THRB: variants seen among roughly 807,000 people sequenced by gnomAD.
THRB encodes nuclear receptor subfamily 1 group A member 2.
Under a neutral mutation model 47.8 loss-of-function variants are expected in THRB, and 12 were observed. That is an observed-to-expected ratio of 0.25 (90% CI 0.16 to 0.41). The LOEUF (loss-of-function observed/expected upper bound fraction) is 0.41, where lower values mean the gene tolerates loss of function less well. Ranked by LOEUF, THRB falls within the 10% of genes least tolerant of loss-of-function variation. The pLI, the probability that THRB is intolerant of heterozygous loss-of-function variation, is 1.00. For missense variants in THRB, 348 were observed against 589.2 expected (o/e 0.59, Z 4.24); for synonymous variants, 218 against 212.2 (o/e 1.03, Z -0.24).
At chr3:24,265,307 T>TC (rs397944871) in intron 3 of THRB, among the ~76,000 whole-genome samples, 2 of 87,300 alleles carry the variant, frequency 2.3e-5, no homozygotes, top group Non-Finnish European at 5.2e-5. Context: ...CTTTGAACTC[T>TC]GAAGAAAAAG....
At chr3:24,237,608 A>AT (rs2049005102) in intron 3 of THRB, among the ~76,000 whole-genome samples, 1 of 152,156 alleles carries the variant, frequency 6.6e-6, no homozygotes, top group East Asian at 1.9e-4. Flanking sequence ...TACAAAGAGC[A>AT]TTGGCCTTGC....
At chr3:24,138,631 T>C (rs1335580696) in intron 8 of THRB, among the ~76,000 whole-genome samples, 1 of 152,202 alleles carries the variant, frequency 6.6e-6, no homozygotes, top group Admixed American at 6.5e-5. Flanking sequence ...ACTACTAGAT[T>C]ATCCTGCCTT....
At chr3:24,333,001 C>A (rs922381149) in intron 2 of THRB, among the ~76,000 whole-genome samples, 2 of 152,084 alleles carry the variant, frequency 1.3e-5, no homozygotes, top group African/African-American at 2.4e-5. Context: ...AGGAGAATGG[C>A]GTGAACCGGG....
intron 1 of THRB, among the ~76,000 whole-genome samples, chr3:24,395,037 C>T (rs1355810459): frequency 2.6e-5 from 4 of 152,142 alleles, no homozygotes; most frequent in Admixed American, 2.0e-4. Flanking sequence ...GATGAGGAGG[C>T]TATTTTAAAA....
intron 8 of THRB, among the ~76,000 whole-genome samples, chr3:24,136,516 TTTGG>T (rs2034698582): frequency 6.6e-6 from 1 of 152,232 alleles, no homozygotes; most frequent in Non-Finnish European, 1.5e-5. Context: ...TTCTAAAATA[TTTGG>T]AAGATGTTAA....
At chr3:24,171,809 T>G (rs560618832) in intron 5 of THRB, among the ~76,000 whole-genome samples, 1 of 152,264 alleles carries the variant, frequency 6.6e-6, no homozygotes, top group African/African-American at 2.4e-5. Context: ...TAGAAACTTT[T>G]ACTTCCTCAG....
At chr3:24,412,399 C>T (rs2150189167) in intron 1 of THRB, among the ~76,000 whole-genome samples, 1 of 151,752 alleles carries the variant, frequency 6.6e-6, no homozygotes, top group Admixed American at 6.6e-5. Context: ...GAAGTCATCA[C>T]AAATCAACAG....
chr3:24,396,944 A>T (rs2067009134), intron 1 of THRB, among the ~76,000 whole-genome samples: 2 of 152,124 alleles, frequency 1.3e-5, no homozygotes, highest in Admixed American at 1.3e-4. Flanking sequence ...GCATTCTTTT[A>T]AAAAATTTAC....
At chr3:24,176,185 T>C (rs899299141) in intron 5 of THRB, among the ~76,000 whole-genome samples, 3 of 152,174 alleles carry the variant, frequency 2.0e-5, no homozygotes, top group Admixed American at 2.0e-4. Context: ...TAAATATCAT[T>C]TATGTTTTGC....
chr3:24,244,876 C>A (rs534231813), intron 3 of THRB, among the ~76,000 whole-genome samples: 2 of 152,296 alleles, frequency 1.3e-5, no homozygotes, highest in South Asian at 4.2e-4. Context: ...CAATGAAGAC[C>A]ATTCTCCCTC....
intron 2 of THRB, among the ~76,000 whole-genome samples, chr3:24,319,739 A>G (rs373467740): frequency 3.3e-5 from 5 of 152,090 alleles, no homozygotes; most frequent in African/African-American, 1.2e-4. Context: ...CATAAACTCA[A>G]TGGACAGATC....
chr3:24,316,188 A>C (rs2149250115), intron 2 of THRB, among the ~76,000 whole-genome samples: 1 of 152,324 alleles, frequency 6.6e-6, no homozygotes, highest in East Asian at 1.9e-4. Context: ...TTTAGATAGA[A>C]GCAATCTCAA....
intron 8 of THRB, among the ~76,000 whole-genome samples, chr3:24,136,069 C>T (rs549628665): frequency 5.3e-5 from 8 of 151,562 alleles, no homozygotes; most frequent in Admixed American, 2.6e-4. Flanking sequence ...TTTTTTCATT[C>T]AATTTGTGGG....
chr3:24,461,658 A>G (rs1044276424), intron 1 of THRB, among the ~76,000 whole-genome samples: 1 of 152,204 alleles, frequency 6.6e-6, no homozygotes, highest in African/African-American at 2.4e-5. Flanking sequence ...AAGCCAACTA[A>G]TCTAGTGAAA....
rs995370148 is a variant in THRB at position 24,306,744 on chromosome 3, T to A, written c.-188-9373A>T. Among the ~76,000 whole-genome samples the A allele has an allele frequency of 5.9e-5, 9 of 152,194 alleles. No homozygotes were observed. The South Asian group carries it at 8.3e-4, about 14-fold the overall frequency. ...AAGTCTTTGAATTGGCACATTACTGTACCTTGCAGAATGTGATACACAACC... is the reference window on the plus strand; with the variant it reads ...AAGTCTTTGAATTGGCACATTACTGAACCTTGCAGAATGTGATACACAACC... On this transcript the variant is annotated intron_variant, in intron 2 of 10. Coordinates refer to ENST00000646209, the MANE Select transcript of THRB (RefSeq NM_001354712.2).
chr3:24,235,192 A>T (rs1407074958), intron 3 of THRB, among the ~76,000 whole-genome samples: 2 of 152,190 alleles, frequency 1.3e-5, no homozygotes, highest in African/African-American at 4.8e-5. Flanking sequence ...CAAGGTCACA[A>T]GGCTAGACCA....
At chr3:24,250,800 C>T (rs1253761244) in intron 3 of THRB, among the ~76,000 whole-genome samples, 1 of 152,074 alleles carries the variant, frequency 6.6e-6, no homozygotes, top group African/African-American at 2.4e-5. Context: ...ACCTTACATT[C>T]CTTCAAAGAT....
intron 1 of THRB, among the ~76,000 whole-genome samples, chr3:24,388,448 T>C (rs2066304981): frequency 6.6e-6 from 1 of 152,150 alleles, no homozygotes; most frequent in South Asian, 2.1e-4. Flanking sequence ...AGATAAAGCA[T>C]ATAGAATGGA....
At chr3:24,286,951 AAAGT>A (rs1383723512) in intron 3 of THRB, among the ~76,000 whole-genome samples, 1 of 152,186 alleles carries the variant, frequency 6.6e-6, no homozygotes, top group Non-Finnish European at 1.5e-5. Context: ...GTGCTTGTGT[AAAGT>A]AAGAAGTTGA....
Sources: allele counts gnomAD v4.1 joint callset (sites outside exome capture counted in the v4.1 genomes callset), GRCh38; gene constraint gnomAD v4.1.1; transcripts MANE v1.5; gene names NCBI Gene and HGNC (gene_info 2026-07-23, HGNC 2026-07-21).